Variants in BAIAP2L1 observed in about 807,000 individuals in gnomAD.
The protein encoded by BAIAP2L1 is BAR/IMD domain containing adaptor protein 2 like 1.
Under a neutral mutation model 66.3 loss-of-function variants are expected in BAIAP2L1, and 35 were observed. That is an observed-to-expected ratio of 0.53 (90% CI 0.40 to 0.70). The LOEUF is 0.70. Among genes scored for constraint, BAIAP2L1 ranks in the 30% least tolerant of loss-of-function variants. The pLI is 0.00. For missense variants in BAIAP2L1, 622 were observed against 656.9 expected (o/e 0.95, Z 0.58); for synonymous variants, 269 against 248.7 (o/e 1.08, Z -0.77).
At chr7:98,368,130 G>A (rs1482931034) in intron 1 of BAIAP2L1, among the ~76,000 whole-genome samples, 1 of 152,026 alleles carries the variant, frequency 6.6e-6, no homozygotes, top group African/African-American at 2.4e-5. Flanking sequence ...TATATAAAAG[G>A]AATCATGGCC....
intron 3 of BAIAP2L1, among the ~76,000 whole-genome samples, chr7:98,332,719 G>T (rs971141570): frequency 1.4e-5 from 2 of 144,572 alleles, no homozygotes; most frequent in Non-Finnish European, 3.0e-5. Flanking sequence ...TAAGGCAAGA[G>T]AATCACTTGA....
intron 3 of BAIAP2L1, among the ~76,000 whole-genome samples, chr7:98,351,712 G>A (rs1802005479): frequency 6.6e-6 from 1 of 152,062 alleles, no homozygotes; most frequent in Non-Finnish European, 1.5e-5. Context: ...CTCCTCATGT[G>A]GAATAATAAA....
At chr7:98,299,123 C>T (rs186217406) in intron 12 of BAIAP2L1, among the ~76,000 whole-genome samples, 3 of 152,248 alleles carry the variant, frequency 2.0e-5, no homozygotes, top group Admixed American at 2.0e-4. Context: ...TCAACTGATT[C>T]TCCTGCCTCA....
intron 10 of BAIAP2L1, chr7:98,306,724 T>C: frequency 2.9e-6 from 2 of 700,326 alleles, no homozygotes; most frequent in Non-Finnish European, 4.5e-6. Context: ...TTTTTTTTAA[T>C]AGAGACAGGG....
chr7:98,304,487 AACCTGATCTTGATCTC>A, intron 11 of BAIAP2L1, 111 bp from the exon 12 acceptor site: 2 of 1,035,878 alleles, frequency 1.9e-6, no homozygotes, highest in Non-Finnish European at 2.9e-6. Context: ...CACCAATCAA[AACCTGATCTTGATCTC>A]ACACACACAG....
chr7:98,322,079 G>A (rs986796045), intron 3 of BAIAP2L1, among the ~76,000 whole-genome samples: 1 of 152,128 alleles, frequency 6.6e-6, no homozygotes, highest in South Asian at 2.1e-4. Context: ...CTGGGTGACA[G>A]AGTGAGACCC....
intron 3 of BAIAP2L1, among the ~76,000 whole-genome samples, chr7:98,351,581 G>A (rs988899242): frequency 6.6e-6 from 1 of 152,108 alleles, no homozygotes; most frequent in Admixed American, 6.6e-5. Context: ...GGGAGAGAGA[G>A]GATGTGATGG....
At chr7:98,321,382 T>C (rs1466491079) in intron 3 of BAIAP2L1, among the ~76,000 whole-genome samples, 1 of 152,164 alleles carries the variant, frequency 6.6e-6, no homozygotes, top group East Asian at 1.9e-4. Context: ...TACAATGTTT[T>C]GGAAAATACT....
intron 3 of BAIAP2L1, among the ~76,000 whole-genome samples, chr7:98,343,238 A>G (rs924016507): frequency 1.7e-4 from 23 of 136,150 alleles, no homozygotes; most frequent in African/African-American, 5.3e-4. Context: ...TCTCTACTGG[A>G]AAAAAAAAAT....
In BAIAP2L1 at chr7:98,397,324, T is replaced by A. The variant is rs959202314; in HGVS notation, c.51+3478A>T. On this transcript the variant is annotated intron_variant, in intron 1 of 13. Transcript: ENST00000005260. ...TTCCTCCACTTCTTAAGCCCTTTTT[T>A]TTTTTTTTTTTTTTTTTTGAGATGG... 1.5e-4 allele frequency among the ~76,000 whole-genome samples: 22 copies of A among 142,164 alleles called. 1 individual carries two copies. In the East Asian group the frequency reaches 4.5e-3, roughly 29 times the overall value. 93.3% of individuals were successfully genotyped at this position (142,164 alleles called of 152,430 possible). A position where few individuals can be genotyped will look rare whatever the true frequency, so the allele number is the denominator to read the frequency against.
At chr7:98,393,155 G>A (rs112077738) in intron 1 of BAIAP2L1, among the ~76,000 whole-genome samples, 1 of 84,342 alleles carries the variant, frequency 1.2e-5, no homozygotes, top group Non-Finnish European at 2.3e-5. Context: ...ACATATATAT[G>A]TACACATATA....
At chr7:98,386,866 A>AT (rs1388669073) in intron 1 of BAIAP2L1, among the ~76,000 whole-genome samples, 4 of 151,402 alleles carry the variant, frequency 2.6e-5, no homozygotes, top group East Asian at 3.9e-4. Context: ...CACCCAACTA[A>AT]TTTTTTGTAT....
chr7:98,301,862 G>A (rs912746336), intron 12 of BAIAP2L1, among the ~76,000 whole-genome samples: 1 of 152,164 alleles, frequency 6.6e-6, no homozygotes, highest in African/African-American at 2.4e-5. Context: ...AAGGGTGGTG[G>A]TGGTGTCCAC....
chr7:98,388,545 C>T (rs1802950673), intron 1 of BAIAP2L1, among the ~76,000 whole-genome samples: 1 of 152,174 alleles, frequency 6.6e-6, no homozygotes, highest in South Asian at 2.1e-4. Context: ...TTTTGGTTTA[C>T]AGGCATATTG....
At chr7:98,348,059 C>G (rs1379675586) in intron 3 of BAIAP2L1, among the ~76,000 whole-genome samples, 2 of 151,852 alleles carry the variant, frequency 1.3e-5, no homozygotes, top group Non-Finnish European at 2.9e-5. Context: ...ATGGGTACAG[C>G]AAACCACCAA....
intron 1 of BAIAP2L1, among the ~76,000 whole-genome samples, chr7:98,392,093 T>C (rs1349892617): frequency 1.3e-5 from 2 of 149,614 alleles, no homozygotes; most frequent in African/African-American, 2.5e-5. Context: ...CCCTGTTACT[T>C]GGGAGGCTGA....
chr7:98,331,194 G>A (rs1383488102), intron 3 of BAIAP2L1, among the ~76,000 whole-genome samples: 1 of 152,098 alleles, frequency 6.6e-6, no homozygotes, highest in Non-Finnish European at 1.5e-5. Flanking sequence ...GAAATGCAAG[G>A]AGAATAAAGA....
At chr7:98,342,761 T>A (rs967021218) in intron 3 of BAIAP2L1, among the ~76,000 whole-genome samples, 2 of 152,158 alleles carry the variant, frequency 1.3e-5, no homozygotes, top group African/African-American at 4.8e-5. Context: ...GACTCAAAGG[T>A]TCTTCTAAAG....
At chr7:98,331,538 G>A (rs7787418) in intron 3 of BAIAP2L1, among the ~76,000 whole-genome samples, 55,325 of 144,740 alleles carry the variant, frequency 0.38, 11,948 homozygotes, top group Middle Eastern at 0.55. Flanking sequence ...GCGTGATCTC[G>A]GCTCACCGTG....
Sources: allele counts gnomAD v4.1 joint callset (sites outside exome capture counted in the v4.1 genomes callset), GRCh38; gene constraint gnomAD v4.1.1; transcripts MANE v1.5; gene names NCBI Gene and HGNC (gene_info 2026-07-23, HGNC 2026-07-21).